Variants in RUNX1T1 observed in about 807,000 individuals in gnomAD.
RUNX1T1 encodes protein CBFA2T1.
A neutral mutation model predicts 62.8 loss-of-function variants in RUNX1T1; 4 were observed. The observed-to-expected ratio is 0.06, with a 90% CI of 0.03 to 0.15. RUNX1T1 has a LOEUF of 0.15. RUNX1T1 is among the 10% of genes least tolerant of loss of function. The pLI, the probability that RUNX1T1 is intolerant of heterozygous loss-of-function variation, is 1.00. For synonymous variants in RUNX1T1, 291 were observed against 286.0 expected, an observed-to-expected ratio of 1.02 and a Z score of -0.18; for missense variants, 508 against 754.3, an observed-to-expected ratio of 0.67 and a Z score of 3.82.
chr8:92,095,881 TTC>T (rs1837707560), intron 1 of RUNX1T1, among the ~76,000 whole-genome samples: 1 of 152,158 alleles, frequency 6.6e-6, no homozygotes, highest in Admixed American at 6.5e-5. Flanking sequence ...ATGTTCGAGA[TTC>T]TGTCAAGGTC....
At chr8:92,083,347 C>G (rs1208948950) in intron 1 of RUNX1T1, among the ~76,000 whole-genome samples, 1 of 152,060 alleles carries the variant, frequency 6.6e-6, no homozygotes, top group African/African-American at 2.4e-5. Context: ...TTGCAATCTA[C>G]CCATCTGACA....
intron 1 of RUNX1T1, among the ~76,000 whole-genome samples, chr8:92,056,656 C>T (rs1475202366): frequency 6.6e-6 from 1 of 151,106 alleles, no homozygotes; most frequent in African/African-American, 2.4e-5. Flanking sequence ...AAAAAGATAT[C>T]TGCTTTCTTA....
chr8:92,079,851 T>G (rs1488200201), intron 1 of RUNX1T1, among the ~76,000 whole-genome samples: 1 of 152,112 alleles, frequency 6.6e-6, no homozygotes, highest in Non-Finnish European at 1.5e-5. Flanking sequence ...CTTCGTTCAC[T>G]GACTTCACGG....
intron 2 of RUNX1T1, among the ~76,000 whole-genome samples, chr8:92,016,529 G>C (rs1823035366): frequency 6.6e-6 from 1 of 152,092 alleles, no homozygotes; most frequent in South Asian, 2.1e-4. Context: ...ATGAAAATTA[G>C]CTGGGCTCAG....
intron 4 of RUNX1T1, chr8:92,006,849 G>C (rs1820886224): frequency 6.6e-6 from 1 of 151,924 alleles, no homozygotes; most frequent in Non-Finnish European, 1.5e-5. Flanking sequence ...CCGCCCTCAA[G>C]TCAGTTTTCT....
At chr8:92,100,995 A>C (rs542524920), upstream of RUNX1T1, among the ~76,000 whole-genome samples, 35 of 152,368 alleles carry the variant, frequency 2.3e-4, no homozygotes, top group Non-Finnish European at 4.4e-4. Flanking sequence ...GGCCCCCAAC[A>C]CTAACAAACC....
intron 5 of RUNX1T1, among the ~76,000 whole-genome samples, chr8:91,995,191 A>G (rs1818428273): frequency 6.6e-6 from 1 of 152,238 alleles, no homozygotes; most frequent in South Asian, 2.1e-4. Flanking sequence ...TGAAGGCAAA[A>G]ACAACAACAC....
chr8:92,028,102 G>A (rs1825584944), intron 1 of RUNX1T1, among the ~76,000 whole-genome samples: 1 of 90,346 alleles, frequency 1.1e-5, no homozygotes, highest in Non-Finnish European at 2.1e-5. Context: ...AAGGAAGGAG[G>A]GAAAGAAGGG....
intron 1 of RUNX1T1, among the ~76,000 whole-genome samples, chr8:92,022,009 C>T (rs905561835): frequency 2.6e-5 from 4 of 151,572 alleles, no homozygotes; most frequent in Non-Finnish European, 4.4e-5. Flanking sequence ...TATCACATTA[C>T]CTCTGCCTTT....
At chr8:92,044,740 A>T (rs1254289977) in intron 1 of RUNX1T1, among the ~76,000 whole-genome samples, 1 of 152,234 alleles carries the variant, frequency 6.6e-6, no homozygotes, top group Non-Finnish European at 1.5e-5. Flanking sequence ...CCTCAAGAGA[A>T]TCAGGTGAGA....
At chr8:92,031,290 G>A (rs185854692) in intron 1 of RUNX1T1, among the ~76,000 whole-genome samples, 1 of 152,052 alleles carries the variant, frequency 6.6e-6, no homozygotes, top group East Asian at 1.9e-4. Flanking sequence ...ACATAGTCGG[G>A]TGTCCATTCA....
intron 1 of RUNX1T1, among the ~76,000 whole-genome samples, chr8:92,082,383 G>GA (rs1272292115): frequency 6.6e-6 from 1 of 152,146 alleles, no homozygotes; most frequent in African/African-American, 2.4e-5. Context: ...AAGTCTTGAA[G>GA]AAAATCTAGG....
chr8:91,960,813 G>T (rs1022017795), intron 10 of RUNX1T1, among the ~76,000 whole-genome samples: 42 of 152,174 alleles, frequency 2.8e-4, no homozygotes, highest in Admixed American at 2.6e-3. Flanking sequence ...ATCTTTGTAT[G>T]TAAATTCTCC....
At chr8:91,972,605 A>C (rs1813085162) in intron 9 of RUNX1T1, among the ~76,000 whole-genome samples, 1 of 152,074 alleles carries the variant, frequency 6.6e-6, no homozygotes, top group Admixed American at 6.5e-5. Context: ...GGTCTAATTT[A>C]GTTTGAATAT....
intron 5 of RUNX1T1, among the ~76,000 whole-genome samples, chr8:91,997,170 A>T (rs995161631): frequency 6.6e-6 from 1 of 152,094 alleles, no homozygotes; most frequent in Non-Finnish European, 1.5e-5. Flanking sequence ...TCTACATGAA[A>T]TATTTTTAAG....
In RUNX1T1 at chr8:91,985,904, T is replaced by C. The variant is rs200036475; in HGVS notation, c.1198+220A>G. Among the ~76,000 whole-genome samples the C allele has an allele frequency of 1.5e-3, 229 of 152,306 alleles. 3 individuals are homozygous for C. In the South Asian group the frequency reaches 0.034, roughly 23 times the overall value. ...TGCTGAAACGCTGCCATCAGCTCAA[T>C]ACACTCACCTGGAAAAGGAATTTAA... On this transcript the variant is annotated intron_variant, in intron 8 of 10. Coordinates refer to ENST00000396218, the Ensembl canonical transcript of RUNX1T1.
rs145364633 is a variant in RUNX1T1, at chr8:92,038,722, T to C, written c.8-21359A>G. 3.0e-4 allele frequency among the ~76,000 whole-genome samples: 46 copies of C among 152,284 alleles called. No homozygotes were observed. In the East Asian group the frequency reaches 7.0e-3, roughly 23 times the overall value. Reference sequence around the variant, plus strand: ...CTACTCTCCTCTGCAGATAACCTCATAGTCTACTTAATATAGCAAAGTAAG... The same window carrying C: ...CTACTCTCCTCTGCAGATAACCTCACAGTCTACTTAATATAGCAAAGTAAG... On this transcript the variant is annotated intron_variant, in intron 1 of 10. Coordinates refer to ENST00000396218, the Ensembl canonical transcript of RUNX1T1.
intron 1 of RUNX1T1, among the ~76,000 whole-genome samples, chr8:92,042,188 C>T (rs946369955): frequency 6.6e-6 from 1 of 152,148 alleles, no homozygotes. Context: ...AGGTAAAGTG[C>T]CTGCTGCCTA....
At chr8:92,029,313 T>A (rs1825814465) in intron 1 of RUNX1T1, among the ~76,000 whole-genome samples, 1 of 152,006 alleles carries the variant, frequency 6.6e-6, no homozygotes, top group Non-Finnish European at 1.5e-5. Flanking sequence ...ATGAATAGGA[T>A]AAAAGTGGCA....
Sources: allele counts gnomAD v4.1 joint callset (sites outside exome capture counted in the v4.1 genomes callset), GRCh38; gene constraint gnomAD v4.1.1; transcripts MANE v1.5; gene names NCBI Gene and HGNC (gene_info 2026-07-23, HGNC 2026-07-21).